The following ATP1A3 variants were observed in gnomAD, a reference collection of about 807,000 sequenced individuals.
ATP1A3 encodes the protein sodium/potassium-transporting ATPase subunit alpha-3.
Under a neutral mutation model 108.8 loss-of-function variants are expected in ATP1A3, and 12 were observed. The ratio of observed to expected loss-of-function variants is 0.11; its 90% CI spans 0.07 to 0.18. The LOEUF (loss-of-function observed/expected upper bound fraction) is 0.18. Among genes scored for constraint, ATP1A3 ranks in the 10% least tolerant of loss-of-function variants. The pLI is 1.00. For synonymous variants in ATP1A3, 539 were observed against 564.5 expected (o/e 0.95, Z 0.64); for missense variants, 498 against 1,387.7 (o/e 0.36, Z 10.19).
Position 41,985,524 on chromosome 19 carries a change from A to G in ATP1A3, c.607-101T>C, listed in dbSNP as rs1354876079. ...GCTGAAGCCTGTGTGCCTGGAGATC[A>G]CAGCTAGAAGCCTGGGTGCCCAGTG... On this transcript the variant is annotated intron_variant, in intron 6 of 22. Transcript: ENST00000648268. This position sits in a 1 kb window ranked among gnomAD's most constrained non-coding sequence, Gnocchi z 8.2. 2 of 1,218,896 alleles carry G rather than the reference A, an allele frequency of 1.6e-6. No individual in the cohort carries two copies. The highest frequency in any genetic ancestry group is 1.5e-5 in the African/African-American group (1 of 67,252). 75.5% of individuals were successfully genotyped at this position (1,218,896 alleles called of 1,614,324 possible).
intron 14 of ATP1A3, 73 bp downstream of exon 14, chr19:41,977,863 T>G: frequency 6.3e-7 from 1 of 1,576,922 alleles, no homozygotes; most frequent in Admixed American, 1.7e-5. Flanking sequence ...AGAGGGAGGT[T>G]GGGGGGAAGC....
At chr19:41,973,292 C>G (rs1012471411) in intron 16 of ATP1A3, among the ~76,000 whole-genome samples, 1 of 152,208 alleles carries the variant, frequency 6.6e-6, no homozygotes, top group Non-Finnish European at 1.5e-5. Flanking sequence ...GGATCTCGCT[C>G]TATCCCAGGC....
intron 1 of ATP1A3, among the ~76,000 whole-genome samples, chr19:41,989,690 T>A (rs2075318669): frequency 6.6e-6 from 1 of 152,192 alleles, no homozygotes; most frequent in Non-Finnish European, 1.5e-5. Context: ...CCTTGATGTG[T>A]ATCTCCAGGT....
chr19:41,990,325 G>T (rs1310555914), intron 1 of ATP1A3, among the ~76,000 whole-genome samples: 1 of 144,804 alleles, frequency 6.9e-6, no homozygotes, highest in African/African-American at 2.6e-5. Flanking sequence ...CTATCACTAA[G>T]ATCTCCTCTC....
Position 41,977,955 on chromosome 19 carries a change from C to T in ATP1A3, c.1924G>A (p.Val642Ile), listed in dbSNP as rs201391210. 146 of 1,614,072 alleles carry T rather than the reference C, an allele frequency of 9.0e-5. No homozygotes were observed. Among genetic ancestry groups the T allele is most frequent in the Non-Finnish European group, 1.2e-4 (136 of 1,180,024 alleles). The change falls in exon 14 of 23, where the codon GTC (valine) becomes ATC (isoleucine). Residue 642 changes from valine to isoleucine, a missense_variant. Val to Ile is a conservative substitution (Grantham distance 29, BLOSUM62 3). Coordinates refer to ENST00000648268, the MANE Select transcript of ATP1A3 (RefSeq NM_152296.5). ...EDIAARLNIP[V>I]SQVNPRDAKA... ...GCTCACCGGGGGTTAACCTGGCTGACGGGAATGTTGAGCCGGGCGGCGATG... is the reference window on the plus strand; with the variant it reads ...GCTCACCGGGGGTTAACCTGGCTGATGGGAATGTTGAGCCGGGCGGCGATG...
In ATP1A3 at chr19:41,985,148, T is replaced by A; in HGVS notation, c.763A>T (p.Thr255Ser). 1 of 1,613,420 alleles carries A rather than the reference T, an allele frequency of 6.2e-7. No individual in the cohort carries two copies. The highest frequency in any genetic ancestry group is 8.5e-7 in the Non-Finnish European group (1 of 1,179,586). ...AGGGTGGCGATACGGCCCATGACAG[T>A]GCGGTCGCCCGTGGCCACCACCACG... Reference protein sequence around the residue: ...RGVVVATGDRTVMGRIATLAS... With the variant: ...RGVVVATGDRSVMGRIATLAS... The change falls in exon 8 of 23, where the codon ACT becomes TCT. Residue 255 changes from threonine to serine, a missense_variant. Thr to Ser is a moderately conservative substitution (Grantham distance 58). This residue lies in a region of ATP1A3 where 127 missense variants were observed against 464.0 expected (regional missense o/e 0.27). Transcript: ENST00000648268. This position sits in a 1 kb window ranked among gnomAD's most constrained non-coding sequence, Gnocchi z 8.2.
Position 41,983,579 on chromosome 19 carries a change from AATAATAATTATTATTATT to A in ATP1A3, c.993+1321_993+1338del, listed in dbSNP as rs576070016. On this transcript the variant is annotated intron_variant, in intron 8 of 22. Coordinates refer to ENST00000648268, the MANE Select transcript of ATP1A3 (RefSeq NM_152296.5). ...CAGAGAAAAAATTTTTAAAAATAAT[AATAATAATTATTATTATT>A]ATAATAATTATTATTATTATTATTT... 6.0e-4 allele frequency among the ~76,000 whole-genome samples: 88 copies of A among 145,654 alleles called. No homozygotes were observed. In the East Asian group the frequency reaches 0.013, roughly 22 times the overall value.
chr19:41,978,368 G>T lies in ATP1A3; in HGVS notation c.1631-42C>A, dbSNP rs782680588. The T allele has an allele frequency of 1.3e-6, 2 of 1,563,830 alleles. No homozygotes were observed. The highest frequency in any genetic ancestry group is 3.9e-5 in the Admixed American group (2 of 51,606). ...GTTGGGGTGTGAGGGTCCCAGCCTCGGAACCTCCGCCCCATGCCCCTAGAT... is the reference window on the plus strand; with the variant it reads ...GTTGGGGTGTGAGGGTCCCAGCCTCTGAACCTCCGCCCCATGCCCCTAGAT... On this transcript the variant is annotated intron_variant, in intron 12 of 22. Transcript: ENST00000648268. This position sits in a 1 kb window ranked among gnomAD's most constrained non-coding sequence, Gnocchi z 8.3.
intron 16 of ATP1A3, 79 bp from the exon 17 acceptor site, chr19:41,970,621 A>G (rs1235716617): frequency 5.3e-5 from 64 of 1,217,416 alleles, no homozygotes; most frequent in Non-Finnish European, 7.1e-5. Context: ...CCCTCATCCA[A>G]CGTCCTTTTT....
chr19:41,991,346 GA>G (rs1259984262), intron 1 of ATP1A3, among the ~76,000 whole-genome samples: 1 of 150,874 alleles, frequency 6.6e-6, no homozygotes, highest in Non-Finnish European at 1.5e-5. Flanking sequence ...GGAGCCTCAA[GA>G]AGGGGTGCAG....
chr19:41,974,827 C>T (rs1378445161), intron 16 of ATP1A3, among the ~76,000 whole-genome samples: 2 of 152,200 alleles, frequency 1.3e-5, no homozygotes, highest in South Asian at 2.1e-4. Context: ...TGGTGCCTGT[C>T]GGCTCAGCAG....
At position 41,970,343 on chromosome 19, in the gene ATP1A3, A is replaced by G. The variant is rs201728950; in HGVS notation, c.2419-35T>C. The G allele has an allele frequency of 2.4e-4, 383 of 1,613,522 alleles. 3 individuals carry two copies. The highest frequency in any genetic ancestry group is 5.3e-5 in the Non-Finnish European group (63 of 1,179,876). ...GGAGGCCGGGTGAGCCGGAGAGGGG[A>G]GGACTCCACCCTCCTGGGCCCCAAG... On this transcript the variant is annotated intron_variant, in intron 17 of 22. Transcript: ENST00000648268.
intron 16 of ATP1A3, among the ~76,000 whole-genome samples, chr19:41,974,499 G>T (rs2075145533): frequency 6.6e-6 from 1 of 152,160 alleles, no homozygotes; most frequent in Non-Finnish European, 1.5e-5. Context: ...GTTAACCATG[G>T]TTTCCTCTGG....
Position 41,974,883 on chromosome 19 carries a change from G to A in ATP1A3, c.2263+746C>T, listed in dbSNP as rs570373914. Reference sequence around the variant, plus strand: ...CCTCACACCGCCTTGCCTGTGTACCGGTTCCTCTGCCTGCGACTCCCTGGC... The same window carrying A: ...CCTCACACCGCCTTGCCTGTGTACCAGTTCCTCTGCCTGCGACTCCCTGGC... On this transcript the variant is annotated intron_variant, in intron 16 of 22. Transcript: ENST00000648268. Among the ~76,000 whole-genome samples the A allele has an allele frequency of 7.9e-5, 12 of 152,190 alleles. No homozygotes were observed. In the East Asian group the frequency reaches 9.7e-4, roughly 12 times the overall value.
rs1555862341 is a variant in ATP1A3 at position 41,978,751 on chromosome 19, C to T, written c.1485G>A (p.Leu495=). Residue 495 remains leucine, a synonymous_variant, in exon 12 of 23, where the codon CTG becomes CTA. Coordinates refer to ENST00000648268, the MANE Select transcript of ATP1A3 (RefSeq NM_152296.5). The surrounding 1 kb of genome is among the most constrained non-coding windows in gnomAD (Gnocchi z 8.3). ...TEDPNDNRYL[L]VMKGAPERIL... ...TGCGCTCGGGGGCACCCTTCATCACCAGCAGGTATCGGTTGTCGTTGGGGT... is the reference window on the plus strand; with the variant it reads ...TGCGCTCGGGGGCACCCTTCATCACTAGCAGGTATCGGTTGTCGTTGGGGT... The T allele has an allele frequency of 1.2e-6, 2 of 1,614,062 alleles. No individual in the cohort carries two copies. Among genetic ancestry groups the T allele is most frequent in the Non-Finnish European group, 1.7e-6 (2 of 1,179,970 alleles).
rs1568869528 is a variant in ATP1A3, at chr19:41,992,397, GC to G, written c.6+1673del. ...GGACCATGCCTGTCTCGCTGTGGCCGCCTCTGCAGCTCCTTGCCATTTTCCA... is the reference window on the plus strand; with the variant it reads ...GGACCATGCCTGTCTCGCTGTGGCCGCTCTGCAGCTCCTTGCCATTTTCCA... On this transcript the variant is annotated intron_variant, in intron 1 of 22. Coordinates refer to ENST00000648268, the MANE Select transcript of ATP1A3 (RefSeq NM_152296.5). 3.1e-3 allele frequency among the ~76,000 whole-genome samples: 466 copies of G among 152,250 alleles called. 3 individuals are homozygous for G. Among genetic ancestry groups the G allele is most frequent in the African/African-American group, 0.011 (444 of 41,528 alleles).
chr19:41,982,428 C>T lies in ATP1A3; in HGVS notation c.994-322G>A, dbSNP rs566271301. Among the ~76,000 whole-genome samples the T allele has an allele frequency of 5.9e-5, 9 of 152,256 alleles. No homozygotes were observed. The East Asian group carries it at 1.5e-3, about 26-fold the overall frequency. On this transcript the variant is annotated intron_variant, in intron 8 of 22. Coordinates refer to ENST00000648268, the MANE Select transcript of ATP1A3 (RefSeq NM_152296.5). Reference sequence around the variant, plus strand: ...ATCACTTGAGATCAGGAGTTCGAGACCAGCCTGGCTAACATGGTGAAACCC... The same window carrying T: ...ATCACTTGAGATCAGGAGTTCGAGATCAGCCTGGCTAACATGGTGAAACCC...
Position 41,977,977 on chromosome 19 carries a change from G to A in ATP1A3, c.1902C>T (p.Ile634=), listed in dbSNP as rs1276971667. 6 of 1,614,132 alleles carry A rather than the reference G, an allele frequency of 3.7e-6. No individual in the cohort carries two copies. The highest frequency in any genetic ancestry group is 2.2e-5 in the South Asian group (2 of 91,092). ...ISEGNETVED[I]AARLNIPVSQ... ...TGACGGGAATGTTGAGCCGGGCGGC[G>A]ATGTCCTCCACAGTCTCGTTGCCCT... Residue 634 remains isoleucine, a synonymous_variant, in exon 14 of 23, where the codon ATC becomes ATT. Transcript: ENST00000648268.
chr19:41,967,253 T>C lies in ATP1A3; in HGVS notation c.3009A>G (p.Pro1003=). ...EIRKLILRRN[P]GGWVEKETYY ...TGCCTTGCCGAGCTCCCTCACCCCC[T>C]GGGTTCCTGCGCAGGATGAGTTTGC... The change falls in exon 22 of 23, where the codon CCA becomes CCG. Residue 1003 remains proline (P), a synonymous_variant. Coordinates refer to ENST00000648268, the MANE Select transcript of ATP1A3 (RefSeq NM_152296.5). The surrounding 1 kb of genome is among the most constrained non-coding windows in gnomAD (Gnocchi z 4.2). 1.9e-6 allele frequency: 3 copies of C among 1,613,858 alleles called. No homozygotes were observed. Among genetic ancestry groups the C allele is most frequent in the Non-Finnish European group, 2.5e-6 (3 of 1,179,950 alleles).
Sources: gnomAD v4.1 joint callset for allele counts (sites outside exome capture counted in the v4.1 genomes callset) on GRCh38, gnomAD v4.1.1 for gene constraint, gnomAD v4.1.1 regional missense constraint, Gnocchi (gnomAD v3.1) non-coding constraint, MANE v1.5 for transcripts, NCBI Gene and HGNC (gene_info 2026-07-23, HGNC 2026-07-21) for gene names.